Variants in VOPP1 observed in about 807,000 individuals in gnomAD.
The protein encoded by VOPP1 is WW domain binding protein VOPP1.
In VOPP1, 8 loss-of-function variants were observed where a neutral mutation model predicts 23.5. The observed-to-expected ratio is 0.34, with a 90% CI of 0.20 to 0.61. The LOEUF (loss-of-function observed/expected upper bound fraction) is 0.61. Among genes scored for constraint, VOPP1 ranks in the 20% least tolerant of loss-of-function variants. The pLI is 0.78. For synonymous variants in VOPP1, 83 were observed against 97.3 expected, an observed-to-expected ratio of 0.85 and a Z score of 0.86; for missense variants, 174 against 238.1, an observed-to-expected ratio of 0.73 and a Z score of 1.77.
intron 2 of VOPP1, among the ~76,000 whole-genome samples, chr7:55,504,097 T>C (rs1035991823): frequency 3.9e-5 from 6 of 152,172 alleles, no homozygotes; most frequent in Admixed American, 3.9e-4. Flanking sequence ...CCTGCAGGAT[T>C]AACCCTCAGC....
intron 1 of VOPP1, among the ~76,000 whole-genome samples, chr7:55,529,005 T>C (rs1796342775): frequency 6.6e-6 from 1 of 152,206 alleles, no homozygotes; most frequent in African/African-American, 2.4e-5. Flanking sequence ...GATGGTGTGA[T>C]TTCTTTTTAA....
intron 1 of VOPP1, among the ~76,000 whole-genome samples, chr7:55,566,394 G>GA (rs200570199): frequency 4.4e-4 from 66 of 150,538 alleles, no homozygotes; most frequent in East Asian, 1.2e-3. Flanking sequence ...CTCTACTAAA[G>GA]AAAAAAAAAT....
intron 2 of VOPP1, among the ~76,000 whole-genome samples, chr7:55,504,976 A>G (rs570304365): frequency 2.6e-5 from 4 of 152,380 alleles, no homozygotes; most frequent in Middle Eastern, 3.4e-3. Context: ...GATGCAGTAC[A>G]GTCTGGGACC....
chr7:55,515,264 G>A (rs1307383457), intron 2 of VOPP1, among the ~76,000 whole-genome samples: 1 of 152,178 alleles, frequency 6.6e-6, no homozygotes, highest in Non-Finnish European at 1.5e-5. Context: ...CCACAAAGAG[G>A]TGGTGGTGTC....
At chr7:55,458,773 C>T (rs539563275) in intron 4 of VOPP1, among the ~76,000 whole-genome samples, 56 of 152,050 alleles carry the variant, frequency 3.7e-4, no homozygotes, top group Non-Finnish European at 7.2e-4. Context: ...AAGGGTTTTT[C>T]TTGGTAAAGT....
intron 1 of VOPP1, among the ~76,000 whole-genome samples, chr7:55,565,543 T>C (rs1244386993): frequency 3.3e-5 from 5 of 152,204 alleles, no homozygotes; most frequent in Admixed American, 6.5e-5. Context: ...TAAAAAATAG[T>C]GTTCAGACAT....
chr7:55,564,237 G>GTCTCTGTCTCTC (rs1554302387), intron 1 of VOPP1, among the ~76,000 whole-genome samples: 1 of 28,196 alleles, frequency 3.5e-5, no homozygotes, highest in Admixed American at 4.5e-4. Context: ...CTTTCTCTCT[G>GTCTCTGTCTCTC]TCTCTGTCTC....
downstream of VOPP1, among the ~76,000 whole-genome samples, chr7:55,467,984 A>G (rs952393439): frequency 3.9e-5 from 6 of 152,242 alleles, no homozygotes; most frequent in African/African-American, 1.4e-4. Flanking sequence ...AACAGGAGAA[A>G]AGGCCCTGGC....
chr7:55,546,883 C>T (rs944675765), intron 1 of VOPP1, among the ~76,000 whole-genome samples: 6 of 152,330 alleles, frequency 3.9e-5, no homozygotes, highest in African/African-American at 9.6e-5. Flanking sequence ...ATCCTAAAAC[C>T]AACAGGAAGC....
chr7:55,510,294 T>C (rs1794988485), intron 2 of VOPP1, among the ~76,000 whole-genome samples: 1 of 152,222 alleles, frequency 6.6e-6, no homozygotes, highest in Admixed American at 6.5e-5. Flanking sequence ...CTCAGTAAAT[T>C]CACTTAATCT....
At chr7:55,546,245 C>T (rs1438223291) in intron 1 of VOPP1, among the ~76,000 whole-genome samples, 1 of 152,204 alleles carries the variant, frequency 6.6e-6, no homozygotes, top group East Asian at 1.9e-4. Context: ...AGTTACAAGA[C>T]AGTCGAGGGA....
At chr7:55,558,152 C>CCTCTA (rs1287849654) in intron 1 of VOPP1, among the ~76,000 whole-genome samples, 3 of 152,076 alleles carry the variant, frequency 2.0e-5, no homozygotes, top group Non-Finnish European at 4.4e-5. Flanking sequence ...AGAGGTCCTG[C>CCTCTA]AGTTAACACT....
chr7:55,478,055 G>T (rs907837689), intron 4 of VOPP1, among the ~76,000 whole-genome samples: 5 of 152,202 alleles, frequency 3.3e-5, no homozygotes, highest in Non-Finnish European at 7.4e-5. Context: ...AAGAGCAACC[G>T]AGAGAAGGTG....
chr7:55,526,472 G>A (rs773363431), intron 1 of VOPP1, among the ~76,000 whole-genome samples: 2 of 152,200 alleles, frequency 1.3e-5, no homozygotes, highest in Non-Finnish European at 2.9e-5. Flanking sequence ...CAACACTGAT[G>A]TTGAGTGCTT....
intron 1 of VOPP1, among the ~76,000 whole-genome samples, chr7:55,561,255 G>A (rs1797975637): frequency 6.6e-6 from 1 of 151,938 alleles, no homozygotes; most frequent in Admixed American, 6.6e-5. Flanking sequence ...TCAACTCTAT[G>A]TGCACCTTCC....
At chr7:55,455,470 A>G (rs1236457891) in intron 4 of VOPP1, among the ~76,000 whole-genome samples, 2 of 152,216 alleles carry the variant, frequency 1.3e-5, no homozygotes, top group Non-Finnish European at 1.5e-5. Flanking sequence ...TTCATATGGA[A>G]CCAAAAAAGA....
rs887266234 is a variant in VOPP1 at position 55,437,044 on chromosome 7, A to G, written n.418-870T>C. ...CGTGTCCCGAGCAGCATAATCACAC[A>G]TTCATCTGTAAGTGTATAAGTATTC... On this transcript the variant is annotated intron_variant and non_coding_transcript_variant, in intron 4 of 4. Transcript: ENST00000462326. Among the ~76,000 whole-genome samples, 4 of 152,358 alleles carry G rather than the reference A, an allele frequency of 2.6e-5. No individual in the cohort carries two copies. In the East Asian group the frequency reaches 5.8e-4, roughly 22 times the overall value.
intron 2 of VOPP1, among the ~76,000 whole-genome samples, chr7:55,519,297 T>C (rs1466381130): frequency 6.6e-6 from 1 of 152,200 alleles, no homozygotes; most frequent in African/African-American, 2.4e-5. Context: ...TTGTATCCCC[T>C]GTCTCCAGTT....
At chr7:55,469,168 G>C (rs1051495678), downstream of VOPP1, among the ~76,000 whole-genome samples, 3 of 151,998 alleles carry the variant, frequency 2.0e-5, no homozygotes, top group Non-Finnish European at 4.4e-5. Flanking sequence ...TTTTGTAGTC[G>C]AGCATTTGAG....
Sources: gnomAD v4.1 joint callset for allele counts (sites outside exome capture counted in the v4.1 genomes callset) on GRCh38, gnomAD v4.1.1 for gene constraint, MANE v1.5 for transcripts, NCBI Gene and HGNC (gene_info 2026-07-23, HGNC 2026-07-21) for gene names.